Variants in PHKB observed in about 807,000 individuals in gnomAD.
PHKB encodes phosphorylase b kinase regulatory subunit beta.
PHKB carries 122 observed loss-of-function variants against 152.1 expected under a neutral mutation model. That is an observed-to-expected ratio of 0.80 (90% CI 0.69 to 0.93). PHKB has a LOEUF of 0.93. PHKB is among the 40% of genes least tolerant of loss of function. The pLI, the probability that PHKB is intolerant of heterozygous loss-of-function variation, is 0.00. For missense variants in PHKB, 1,304 were observed against 1,328.4 expected, an observed-to-expected ratio of 0.98 and a Z score of 0.29; for synonymous variants, 436 against 464.9, an observed-to-expected ratio of 0.94 and a Z score of 0.80.
In PHKB at chr16:47,484,000, T is replaced by G. The variant is rs78495685; in HGVS notation, c.77-13399T>G. Among the ~76,000 whole-genome samples, 519 of 152,272 alleles carry G rather than the reference T, an allele frequency of 3.4e-3. 5 individuals carry two copies. Among genetic ancestry groups the G allele is most frequent in the East Asian group, 0.023 (118 of 5,180 alleles). ...GTTTCCTAAAAAGGAGTTCCAAAAC[T>G]TTATAGAAAGATTAGAATTGTCAGA... On this transcript the variant is annotated intron_variant, in intron 1 of 30. Transcript: ENST00000323584.
intron 6 of PHKB, among the ~76,000 whole-genome samples, chr16:47,521,011 A>G (rs1488744133): frequency 6.6e-6 from 1 of 151,976 alleles, no homozygotes; most frequent in Non-Finnish European, 1.5e-5. Flanking sequence ...TTTATTCTGT[A>G]TACTAGGTTA....
intron 7 of PHKB, chr16:47,561,977 A>T (rs1186678678): frequency 6.6e-6 from 1 of 151,998 alleles, no homozygotes; most frequent in Non-Finnish European, 1.5e-5. Flanking sequence ...AGGGGTGGGT[A>T]TGTTGTCATT....
At chr16:47,607,175 C>T (rs1972340585) in intron 13 of PHKB, among the ~76,000 whole-genome samples, 1 of 152,110 alleles carries the variant, frequency 6.6e-6, no homozygotes, top group Non-Finnish European at 1.5e-5. Context: ...ATGTGATTTA[C>T]ATACCATATA....
chr16:47,673,056 A>G (rs1158619757), intron 26 of PHKB, among the ~76,000 whole-genome samples: 2 of 151,640 alleles, frequency 1.3e-5, no homozygotes, highest in Non-Finnish European at 2.9e-5. Context: ...TATGATGTAC[A>G]TTTCACTCTT....
chr16:47,661,669 A>G, intron 22 of PHKB, 50 bp from the exon 23 acceptor site: 2 of 1,190,038 alleles, frequency 1.7e-6, no homozygotes, highest in Non-Finnish European at 2.5e-6. Context: ...CTCTGTGGTA[A>G]CTGCTGTACC....
At position 47,521,684 on chromosome 16, in the gene PHKB, T is replaced by G. The variant is rs561312441; in HGVS notation, c.594+6083T>G. ...AAAAAAAAAGGAAAGAAAAGAAAAA[T>G]GTTATCTGTGGGTTTTTTTGGAGAT... On this transcript the variant is annotated intron_variant, in intron 6 of 30. Coordinates refer to ENST00000323584, the MANE Select transcript of PHKB (RefSeq NM_000293.3). Among the ~76,000 whole-genome samples, 4 of 150,420 alleles carry G rather than the reference T, an allele frequency of 2.7e-5. No individual in the cohort carries two copies. In the South Asian group the frequency reaches 8.4e-4, roughly 32 times the overall value.
At chr16:47,565,987 G>A (rs535578854) in intron 7 of PHKB, 300 of 770,308 alleles carry the variant, frequency 3.9e-4, no homozygotes, top group Non-Finnish European at 6.0e-4. Flanking sequence ...CTCTATGACC[G>A]ATCATCCCGT....
At chr16:47,596,587 A>G in intron 13 of PHKB, 56 bp downstream of exon 13, 1 of 1,507,196 alleles carries the variant, frequency 6.6e-7, no homozygotes, top group Non-Finnish European at 9.2e-7. Flanking sequence ...GCTATTAGAA[A>G]TAAATATGCC....
chr16:47,572,629 C>A (rs552118606), intron 7 of PHKB, among the ~76,000 whole-genome samples: 6 of 152,248 alleles, frequency 3.9e-5, no homozygotes, highest in African/African-American at 9.6e-5. Flanking sequence ...CCTGTCCTCT[C>A]ATCTCATAAG....
chr16:47,641,059 G>A lies in PHKB; in HGVS notation c.1483G>A (p.Val495Ile). Residue 495 changes from valine (V) to isoleucine (I), a missense_variant, in exon 15 of 31, where the codon GTT becomes ATT. Coordinates refer to ENST00000323584, the MANE Select transcript of PHKB (RefSeq NM_000293.3). ...GGGCCCACTGGAAAATGACTTGGTA[G>A]TTCATGTGGCACTTATAGCAGAAAG... ...NQGPLENDLV[V>I]HVALIAESQR... is the part of the protein sequence containing the mutation. 2 of 1,613,966 alleles carry A rather than the reference G, an allele frequency of 1.2e-6. No homozygotes were observed. The highest frequency in any genetic ancestry group is 4.5e-5 in the East Asian group (2 of 44,882).
intron 7 of PHKB, among the ~76,000 whole-genome samples, chr16:47,576,517 T>C (rs1379370232): frequency 6.6e-6 from 1 of 152,228 alleles, no homozygotes; most frequent in Non-Finnish European, 1.5e-5. Context: ...CTTGCTGGTT[T>C]TCTGTCTAGT....
At chr16:47,492,965 G>A (rs1343849234) in intron 1 of PHKB, among the ~76,000 whole-genome samples, 1 of 152,188 alleles carries the variant, frequency 6.6e-6, no homozygotes, top group Non-Finnish European at 1.5e-5. Context: ...AATTTATCGG[G>A]CAAAAAGGAA....
chr16:47,478,768 C>T (rs1026657195), intron 1 of PHKB, among the ~76,000 whole-genome samples: 5 of 151,878 alleles, frequency 3.3e-5, no homozygotes, highest in African/African-American at 1.2e-4. Context: ...TATTCTTAAC[C>T]TTTTTGAGCT....
intron 3 of PHKB, among the ~76,000 whole-genome samples, chr16:47,502,476 A>G (rs1213213412): frequency 3.9e-5 from 6 of 152,214 alleles, no homozygotes. Flanking sequence ...ATCATCCTGG[A>G]TGTGTGTTTA....
intron 14 of PHKB, among the ~76,000 whole-genome samples, chr16:47,613,345 A>G (rs534557259): frequency 1.3e-5 from 2 of 152,320 alleles, no homozygotes; most frequent in South Asian, 4.1e-4. Flanking sequence ...TAGTGAGGAT[A>G]TGTCAACACA....
intron 12 of PHKB, 59 bp from the exon 13 acceptor site, chr16:47,596,314 A>G (rs1567320368): frequency 5.0e-6 from 6 of 1,189,714 alleles, no homozygotes; most frequent in Non-Finnish European, 7.4e-6. Context: ...TATTAGTAGC[A>G]TGAGAATGGA....
chr16:47,533,217 G>T (rs1970892730), intron 6 of PHKB, among the ~76,000 whole-genome samples: 1 of 152,164 alleles, frequency 6.6e-6, no homozygotes, highest in Non-Finnish European at 1.5e-5. Context: ...CCCGATGCCT[G>T]CTCAGCTCTG....
At chr16:47,598,354 T>C (rs531983119) in intron 13 of PHKB, among the ~76,000 whole-genome samples, 15 of 152,346 alleles carry the variant, frequency 9.8e-5, no homozygotes, top group Admixed American at 8.5e-4. Context: ...ACTTTACTTT[T>C]TGATTATGGT....
chr16:47,499,949 A>G (rs1351645799), intron 3 of PHKB, 55 bp downstream of exon 3: 4 of 1,603,454 alleles, frequency 2.5e-6, no homozygotes, highest in Non-Finnish European at 3.4e-6. Context: ...AGGGTTTTGT[A>G]GGACCAAGAC....
Sources: gnomAD v4.1 joint callset for allele counts (sites outside exome capture counted in the v4.1 genomes callset) on GRCh38, gnomAD v4.1.1 for gene constraint, MANE v1.5 for transcripts, NCBI Gene and HGNC (gene_info 2026-07-23, HGNC 2026-07-21) for gene names.